The following MAPRE2 variants were observed in gnomAD, a reference collection of about 807,000 sequenced individuals.
MAPRE2 encodes the protein microtubule associated protein RP/EB family member 2.
In MAPRE2, 13 loss-of-function variants were observed where a neutral mutation model predicts 43.2. The observed-to-expected ratio is 0.30, with a 90% CI of 0.20 to 0.48. The LOEUF (loss-of-function observed/expected upper bound fraction) is 0.48. Among genes scored for constraint, MAPRE2 ranks in the 20% least tolerant of loss-of-function variants. The probability of loss-of-function intolerance (pLI) is 0.99; values close to 1 mark genes in which losing one functional copy is unlikely to be tolerated. For synonymous variants in MAPRE2, 135 were observed against 148.8 expected, an observed-to-expected ratio of 0.91 and a Z score of 0.68; for missense variants, 161 against 400.2, an observed-to-expected ratio of 0.40 and a Z score of 5.10.
intron 1 of MAPRE2, among the ~76,000 whole-genome samples, chr18:35,057,507 C>CGTGTGTGTGT (rs58171272): frequency 0.049 from 7,290 of 149,450 alleles, 323 homozygotes; most frequent in East Asian, 0.2. Context: ...GGAGTGTGTG[C>CGTGTGTGTGT]GTGTGTGTGT....
At chr18:35,021,936 C>T (rs2097042162) in intron 2 of MAPRE2, among the ~76,000 whole-genome samples, 1 of 152,014 alleles carries the variant, frequency 6.6e-6, no homozygotes, top group African/African-American at 2.4e-5. Context: ...GATGTTAGAG[C>T]TTGAGGGTCA....
At chr18:35,029,604 T>C (rs1184132129) in intron 2 of MAPRE2, among the ~76,000 whole-genome samples, 4 of 152,212 alleles carry the variant, frequency 2.6e-5, no homozygotes, top group African/African-American at 9.6e-5. Context: ...GTGAGTTAGT[T>C]GATTTTTAAG....
At chr18:35,025,837 C>T (rs2097044804) in intron 2 of MAPRE2, among the ~76,000 whole-genome samples, 1 of 152,128 alleles carries the variant, frequency 6.6e-6, no homozygotes. Flanking sequence ...TCTTTGTTTA[C>T]CAAGTACAGA....
chr18:34,991,037 G>C (rs1162353270), intron 1 of MAPRE2, among the ~76,000 whole-genome samples: 1 of 152,110 alleles, frequency 6.6e-6, no homozygotes, highest in African/African-American at 2.4e-5. Context: ...TTCTATTTTA[G>C]ATTCAGGGGG....
intron 1 of MAPRE2, among the ~76,000 whole-genome samples, chr18:35,054,432 T>C (rs565318386): frequency 6.6e-6 from 1 of 152,338 alleles, no homozygotes; most frequent in East Asian, 1.9e-4. Context: ...ACTTATTTCG[T>C]TTAACATTTA....
At chr18:35,127,324 G>A in intron 5 of MAPRE2, 1 of 454,098 alleles carries the variant, frequency 2.2e-6, no homozygotes, top group Admixed American at 3.7e-5. Context: ...GCTCAGCCTT[G>A]CTGCAGACTT....
intron 1 of MAPRE2, among the ~76,000 whole-genome samples, chr18:34,980,132 T>C (rs1422409586): frequency 6.6e-6 from 1 of 150,780 alleles, no homozygotes; most frequent in Non-Finnish European, 1.5e-5. Flanking sequence ...TTCAAGCGAT[T>C]CTCCTGCCTC....
upstream of MAPRE2, among the ~76,000 whole-genome samples, chr18:35,038,896 A>G (rs1254368137): frequency 6.6e-6 from 1 of 152,164 alleles, no homozygotes; most frequent in Admixed American, 6.5e-5. Flanking sequence ...TTAGAGGAAG[A>G]TTTACGCGGC....
chr18:35,081,849 C>T (rs934533908), intron 2 of MAPRE2, among the ~76,000 whole-genome samples: 1 of 152,030 alleles, frequency 6.6e-6, no homozygotes, highest in Non-Finnish European at 1.5e-5. Flanking sequence ...TCTCTGTGGG[C>T]TGCCATACAT....
In MAPRE2 at chr18:35,070,283, G is replaced by A; in HGVS notation, c.211G>A (p.Val71Ile). ...HDIIAWVNDI[V>I]SLNYTKVEQL... is the part of the protein sequence containing the mutation. ...CATCATTGCATGGGTTAATGACATAGTATCTTTAAACTACACAAAAGTGGA... is the reference window on the plus strand; with the variant it reads ...CATCATTGCATGGGTTAATGACATAATATCTTTAAACTACACAAAAGTGGA... The change falls in exon 2 of 7, where the codon GTA becomes ATA. Residue 71 changes from valine to isoleucine, a missense_variant. By Grantham distance (29) the Val-to-Ile change is conservative. This residue lies in a region of MAPRE2 where 65 missense variants were observed against 246.9 expected (regional missense o/e 0.26). Transcript: ENST00000300249. 6.2e-7 allele frequency: 1 copy of A among 1,610,716 alleles called. No individual in the cohort carries two copies. The highest frequency in any genetic ancestry group is 8.5e-7 in the Non-Finnish European group (1 of 1,178,212).
In MAPRE2 at chr18:34,999,165, C is replaced by T. The variant is rs974998404; in HGVS notation, c.-69-6327C>T. On this transcript the variant is annotated intron_variant, in intron 1 of 7. Transcript: ENST00000413393. Reference sequence around the variant, plus strand: ...ACGTAACATGCATTCTCCCACATTTCATTATTAATTGCACACATGAGGAGA... The same window carrying T: ...ACGTAACATGCATTCTCCCACATTTTATTATTAATTGCACACATGAGGAGA... 9.9e-5 allele frequency among the ~76,000 whole-genome samples: 15 copies of T among 152,276 alleles called. No homozygotes were observed. The South Asian group carries it at 1.2e-3, about 13-fold the overall frequency.
At chr18:34,985,763 TATATTAC>T (rs2097020662) in intron 1 of MAPRE2, among the ~76,000 whole-genome samples, 2 of 136,036 alleles carry the variant, frequency 1.5e-5, no homozygotes, top group Admixed American at 1.7e-4. Flanking sequence ...ATATATAAAA[TATATTAC>T]ATATTTGTTT....
At chr18:35,030,601 A>G (rs993830547) in intron 2 of MAPRE2, among the ~76,000 whole-genome samples, 4 of 152,218 alleles carry the variant, frequency 2.6e-5, no homozygotes, top group African/African-American at 9.6e-5. Context: ...TAAGCATAGC[A>G]CTTGGCCCAT....
At chr18:34,985,229 T>TATATATTATATAATATTATATATTATATA (rs2097019010) in intron 1 of MAPRE2, among the ~76,000 whole-genome samples, 1 of 55,708 alleles carries the variant, frequency 1.8e-5, no homozygotes, top group African/African-American at 7.6e-5. Flanking sequence ...TATATAATAT[T>TATATATTATATAATATTATATATTATATA]ATATATTATA....
chr18:35,128,438 T>G (rs964631184), intron 5 of MAPRE2, among the ~76,000 whole-genome samples: 1 of 152,104 alleles, frequency 6.6e-6, no homozygotes, highest in Admixed American at 6.5e-5. Context: ...ATCTGCACAT[T>G]CAAGCAACCA....
At chr18:35,032,358 G>C (rs1424025271) in intron 2 of MAPRE2, among the ~76,000 whole-genome samples, 11 of 152,188 alleles carry the variant, frequency 7.2e-5, no homozygotes, top group Admixed American at 7.2e-4. Flanking sequence ...GCATTCATGT[G>C]ATGAGTAGGT....
At chr18:34,984,759 T>C (rs969240647) in intron 1 of MAPRE2, among the ~76,000 whole-genome samples, 1 of 135,930 alleles carries the variant, frequency 7.4e-6, no homozygotes, top group Non-Finnish European at 1.5e-5. Context: ...ATATATTACA[T>C]ACTATATATA....
intron 2 of MAPRE2, among the ~76,000 whole-genome samples, chr18:35,022,415 T>TAACATA (rs2097042493): frequency 2.0e-5 from 3 of 152,178 alleles, no homozygotes; most frequent in Non-Finnish European, 4.4e-5. Context: ...GATAACGGTA[T>TAACATA]ATGCTTCTTC....
intron 6 of MAPRE2, among the ~76,000 whole-genome samples, chr18:35,140,078 A>C (rs1344732582): frequency 6.6e-6 from 1 of 152,218 alleles, no homozygotes; most frequent in African/African-American, 2.4e-5. Flanking sequence ...GCTTTCTAGA[A>C]TGATCTGTTC....
Sources: allele counts gnomAD v4.1 joint callset (sites outside exome capture counted in the v4.1 genomes callset), GRCh38; gene constraint gnomAD v4.1.1; regional missense constraint gnomAD v4.1.1; transcripts MANE v1.5; gene names NCBI Gene and HGNC (gene_info 2026-07-23, HGNC 2026-07-21).